ABCA8: variants seen among roughly 807,000 people sequenced by gnomAD.
The protein encoded by ABCA8 is ATP binding cassette subfamily A member 8.
A neutral mutation model predicts 192.3 loss-of-function variants in ABCA8; 177 were observed. The ratio of observed to expected loss-of-function variants is 0.92; its 90% CI spans 0.81 to 1.04. ABCA8 has a LOEUF of 1.04. ABCA8 is among the 50% of genes least tolerant of loss of function. ABCA8 has a pLI of 0.00. For missense variants in ABCA8, 1,915 were observed against 1,904.8 expected (o/e 1.01, Z -0.10); for synonymous variants, 642 against 690.2 (o/e 0.93, Z 1.09).
chr17:68,930,455 T>A (rs1192255989), intron 7 of ABCA8, among the ~76,000 whole-genome samples: 1 of 152,204 alleles, frequency 6.6e-6, no homozygotes, highest in African/African-American at 2.4e-5. Flanking sequence ...CCTCATCAAT[T>A]TCTTTTCTTT....
At position 68,955,307 on chromosome 17, in the gene ABCA8, G is replaced by A. The variant is rs2068684045; in HGVS notation, c.-255C>T. 6.6e-6 allele frequency: 1 copy of A among 152,126 alleles called. No individual in the cohort carries two copies. The highest frequency in any genetic ancestry group is 1.5e-5 in the Non-Finnish European group (1 of 68,030). 9.4% of individuals were successfully genotyped at this position (152,126 alleles called of 1,614,324 possible). On this transcript the variant is annotated 5_prime_UTR_variant, in exon 1 of 40. Transcript: ENST00000586539. ...AGAAAGTTATTCATATTTTCTCCTG[G>A]TCTCTACCATGTATCTAGAATTTGC...
At chr17:68,923,742 C>A (rs367623203) in intron 11 of ABCA8, among the ~76,000 whole-genome samples, 55 of 152,242 alleles carry the variant, frequency 3.6e-4, no homozygotes, top group Middle Eastern at 6.8e-3. Context: ...GAAATGGGCT[C>A]CTTAGAAGTT....
intron 4 of ABCA8, 80 bp downstream of exon 4, chr17:68,940,678 C>T (rs1449011945): frequency 7.7e-7 from 1 of 1,304,014 alleles, no homozygotes; most frequent in African/African-American, 1.5e-5. Context: ...AACTGAAATA[C>T]AAATTAAATG....
intron 37 of ABCA8, among the ~76,000 whole-genome samples, chr17:68,873,096 G>C (rs2066108777): frequency 6.6e-6 from 1 of 152,128 alleles, no homozygotes; most frequent in African/African-American, 2.4e-5. Flanking sequence ...CTCACCAATG[G>C]TCGCCCAGAG....
chr17:68,951,558 G>A (rs958801245), intron 1 of ABCA8, among the ~76,000 whole-genome samples: 2 of 152,006 alleles, frequency 1.3e-5, no homozygotes, highest in East Asian at 1.9e-4. Flanking sequence ...TCATAATAGA[G>A]TTCAATTAAA....
At position 68,883,851 on chromosome 17, in the gene ABCA8, G is replaced by A. The variant is rs769886035; in HGVS notation, c.3647C>T (p.Thr1216Ile). ...AAACTTCCATTCCAGACATCGAAGA[G>A]TAAAAAGAAAAATGATAAAATGAAG... ...PFLHFIIFLF[T>I]LRCLEWKFGK... Residue 1216 changes from threonine (T) to isoleucine (I), a missense_variant, in exon 29 of 40, where the codon ACT becomes ATT. Thr to Ile is a moderately conservative substitution (Grantham distance 89). Transcript: ENST00000586539. 5.0e-6 allele frequency: 8 copies of A among 1,594,016 alleles called. No homozygotes were observed. Among genetic ancestry groups the A allele is most frequent in the Non-Finnish European group, 6.8e-6 (8 of 1,171,418 alleles).
At chr17:68,945,852 A>G (rs2068387792) in intron 2 of ABCA8, among the ~76,000 whole-genome samples, 1 of 151,902 alleles carries the variant, frequency 6.6e-6, no homozygotes, top group Non-Finnish European at 1.5e-5. Flanking sequence ...GCGTGTATGC[A>G]CTTTGAAGTA....
chr17:68,877,128 A>C (rs1020782565), intron 33 of ABCA8: 19 of 168,568 alleles, frequency 1.1e-4, no homozygotes, highest in Non-Finnish European at 1.9e-4. Context: ...TCAGTTTCCC[A>C]AGTAGCTGGG....
intron 32 of ABCA8, chr17:68,877,951 C>T: frequency 3.0e-6 from 1 of 334,200 alleles, no homozygotes; most frequent in Non-Finnish European, 5.4e-6. Flanking sequence ...AGTTTATATC[C>T]ATTTTTTTTA....
intron 13 of ABCA8, 43 bp from the exon 14 acceptor site, chr17:68,919,519 A>G: frequency 6.6e-7 from 1 of 1,511,514 alleles, no homozygotes; most frequent in Non-Finnish European, 9.1e-7. Flanking sequence ...GGCTTAAGAT[A>G]TTTCTTAATA....
intron 4 of ABCA8, 148 bp from the exon 5 acceptor site, chr17:68,937,263 G>T: frequency 3.1e-6 from 2 of 647,990 alleles, no homozygotes; most frequent in Non-Finnish European, 4.9e-6. Flanking sequence ...TAAAATGTTG[G>T]GTGGGAGAGA....
intron 33 of ABCA8, 138 bp downstream of exon 33, chr17:68,877,381 T>C: frequency 4.4e-6 from 3 of 684,240 alleles, no homozygotes; most frequent in South Asian, 3.9e-5. Context: ...AGGAAAGGAG[T>C]TTCTAGTTGT....
intron 3 of ABCA8, 134 bp from the exon 4 acceptor site, chr17:68,941,096 C>G: frequency 1.5e-6 from 1 of 672,114 alleles, no homozygotes; most frequent in Non-Finnish European, 2.5e-6. Flanking sequence ...TGTTTAAAGT[C>G]TGCTGAAAGT....
Position 68,881,198 on chromosome 17 carries a change from T to A in ABCA8, c.3960A>T (p.Gly1320=). The part of the protein sequence containing the change: ...SFCVRKGEVL[G]LLGHNGAGKS... ...TACCAGCTCCATTGTGTCCTAATAATCCTAAAACTTCACCTGAAAAAAAGG... is the reference window on the plus strand; with the variant it reads ...TACCAGCTCCATTGTGTCCTAATAAACCTAAAACTTCACCTGAAAAAAAGG... Residue 1320 remains glycine (G), a synonymous_variant, in exon 32 of 40, where the codon GGA becomes GGT. Transcript: ENST00000586539. 1 of 1,612,656 alleles carries A rather than the reference T, an allele frequency of 6.2e-7. No homozygotes were observed. The highest frequency in any genetic ancestry group is 1.1e-5 in the South Asian group (1 of 91,014).
chr17:68,903,799 T>C (rs142847416), intron 19 of ABCA8, among the ~76,000 whole-genome samples: 74 of 152,234 alleles, frequency 4.9e-4, no homozygotes, highest in African/African-American at 1.7e-3. Flanking sequence ...ACAAATATCT[T>C]ACATGTTCAA....
intron 2 of ABCA8, among the ~76,000 whole-genome samples, chr17:68,946,368 T>A (rs143436766): frequency 6.6e-6 from 1 of 152,204 alleles, no homozygotes; most frequent in East Asian, 1.9e-4. Flanking sequence ...ACCCAGCCGC[T>A]TTTTACCAAA....
Position 68,924,588 on chromosome 17 carries a change from G to T in ABCA8, c.1442+113C>A, listed in dbSNP as rs1598268152. The T allele has an allele frequency of 3.5e-6, 4 of 1,157,508 alleles. No homozygotes were observed. The East Asian group carries it at 7.3e-5, about 21-fold the overall frequency. 71.7% of individuals were successfully genotyped at this position (1,157,508 alleles called of 1,614,324 possible). A position where few individuals can be genotyped will look rare whatever the true frequency, so the allele number is the denominator to read the frequency against. The stretch of plus-strand genomic sequence containing the variant: ...ATGGAAAGTGACAGAAGCAGCATAG[G>T]TGAGGACAGGTGGGAACTGTCTACA... On this transcript the variant is annotated intron_variant, in intron 11 of 39. Coordinates refer to ENST00000586539, the MANE Select transcript of ABCA8 (RefSeq NM_001288985.2).
At chr17:68,898,650 G>T (rs922299253) in intron 21 of ABCA8, among the ~76,000 whole-genome samples, 3 of 152,028 alleles carry the variant, frequency 2.0e-5, no homozygotes, top group African/African-American at 7.2e-5. Flanking sequence ...TATTGTTGAG[G>T]CGTAAAACAT....
At chr17:68,880,979 T>C (rs2066322582) in intron 32 of ABCA8, 141 bp downstream of exon 32, 1 of 676,488 alleles carries the variant, frequency 1.5e-6, no homozygotes, top group African/African-American at 1.8e-5. Flanking sequence ...TATGTGATAA[T>C]TCGTGAATTT....
Sources: gnomAD v4.1 joint callset for allele counts (sites outside exome capture counted in the v4.1 genomes callset) on GRCh38, gnomAD v4.1.1 for gene constraint, MANE v1.5 for transcripts, NCBI Gene and HGNC (gene_info 2026-07-23, HGNC 2026-07-21) for gene names.